Variants in XRN1 observed in about 807,000 individuals in gnomAD.
The protein encoded by XRN1 is strand-exchange protein 1 homolog.
Under a neutral mutation model 222.3 loss-of-function variants are expected in XRN1, and 67 were observed. The ratio of observed to expected loss-of-function variants is 0.30; its 90% confidence interval spans 0.25 to 0.37. The LOEUF is 0.37. Ranked by LOEUF, XRN1 falls within the 10% of genes least tolerant of loss-of-function variation. XRN1 has a pLI of 1.00. For synonymous variants in XRN1, 643 were observed against 652.4 expected, an observed-to-expected ratio of 0.99 and a Z score of 0.22; for missense variants, 1,707 against 2,000.2, an observed-to-expected ratio of 0.85 and a Z score of 2.80.
At chr3:142,336,563 G>C (rs1001994485) in intron 33 of XRN1, among the ~76,000 whole-genome samples, 1 of 151,386 alleles carries the variant, frequency 6.6e-6, no homozygotes, top group Non-Finnish European at 1.5e-5. Context: ...CAGAGACAGG[G>C]GAAGGAAGGA....
chr3:142,435,658 G>A lies in XRN1; in HGVS notation c.76-2765C>T, dbSNP rs115425264. Among the ~76,000 whole-genome samples the A allele has an allele frequency of 9.4e-3, 1,416 of 150,118 alleles. 20 individuals are homozygous for A. Among genetic ancestry groups the A allele is most frequent in the African/African-American group, 0.033 (1,342 of 40,764 alleles). ...TGTAATCCCAGGTACTTAGAAGGCT[G>A]AAGCATGAGAATCGCTTGCACCTGG... On this transcript the variant is annotated intron_variant, in intron 1 of 40. Transcript: ENST00000392981.
intron 33 of XRN1, among the ~76,000 whole-genome samples, chr3:142,346,600 C>A (rs2066150058): frequency 6.6e-6 from 1 of 151,958 alleles, no homozygotes; most frequent in African/African-American, 2.4e-5. Context: ...TCTACCTCAG[C>A]CTCCTGAATA....
chr3:142,432,198 T>TATATATAATTAA lies in XRN1; in HGVS notation c.308+462_308+463insTTAATTATATAT. Reference sequence around the variant, plus strand: ...AAAATGTTTTATATATAAAATTTATTTTATATATAATTAATTATATATATA... The same window carrying TATATATAATTAA: ...AAAATGTTTTATATATAAAATTTATTATATATAATTAATTATATATAATTAATTATATATATA... On this transcript the variant is annotated intron_variant, in intron 2 of 40. Transcript: ENST00000392981. Among the ~76,000 whole-genome samples the TATATATAATTAA allele has an allele frequency of 3.9e-3, 415 of 106,808 alleles. 32 individuals carry two copies. Among genetic ancestry groups the TATATATAATTAA allele is most frequent in the African/African-American group, 0.013 (409 of 31,040 alleles). The allele number at this position is 106,808 out of a possible 152,430, so 70.1% of individuals were successfully genotyped here. A position where few individuals can be genotyped will look rare whatever the true frequency, so the allele number is the denominator to read the frequency against.
chr3:142,426,539 T>C, intron 3 of XRN1: 1 of 536,444 alleles, frequency 1.9e-6, no homozygotes, highest in Non-Finnish European at 3.3e-6. Context: ...CTAATTTATC[T>C]ACATCTGAAA....
chr3:142,343,961 T>C (rs541186597), intron 33 of XRN1, among the ~76,000 whole-genome samples: 1 of 152,262 alleles, frequency 6.6e-6, no homozygotes, highest in Non-Finnish European at 1.5e-5. Context: ...GGAGATCATA[T>C]GTTAGGTGAA....
intron 20 of XRN1, among the ~76,000 whole-genome samples, chr3:142,392,465 C>A (rs2067764121): frequency 6.6e-6 from 1 of 152,166 alleles, no homozygotes; most frequent in Non-Finnish European, 1.5e-5. Context: ...CTAATGCTAT[C>A]CCTCCCCACT....
chr3:142,421,189 TTAAG>T, intron 9 of XRN1, 36 bp from the exon 10 acceptor site: 1 of 1,488,734 alleles, frequency 6.7e-7, no homozygotes, highest in Non-Finnish European at 8.9e-7. Context: ...TTTAAATAAT[TTAAG>T]TATATCTAGA....
At chr3:142,334,610 G>A (rs1170019545) in intron 34 of XRN1, among the ~76,000 whole-genome samples, 1 of 151,080 alleles carries the variant, frequency 6.6e-6, no homozygotes, top group Non-Finnish European at 1.5e-5. Context: ...TTTGTTCCAT[G>A]TACTTCAATT....
intron 13 of XRN1, among the ~76,000 whole-genome samples, chr3:142,416,336 C>G (rs941618798): frequency 6.6e-6 from 1 of 152,114 alleles, no homozygotes; most frequent in African/African-American, 2.4e-5. Flanking sequence ...AGGCACACCA[C>G]CATGCCCAGC....
chr3:142,422,360 T>C (rs933577758), intron 8 of XRN1, among the ~76,000 whole-genome samples: 1 of 152,092 alleles, frequency 6.6e-6, no homozygotes, highest in African/African-American at 2.4e-5. Context: ...AGGCAAAGAT[T>C]AGTTAGATAT....
rs557838394 is a variant in XRN1, at chr3:142,308,660, T to C, written c.*2851A>G. On this transcript the variant is annotated 3_prime_UTR_variant, in exon 41 of 41. Transcript: ENST00000392981. ...AGGAAAATGTGAAAAGGAACGAGACTGGAAGGAGCAATCTTCAAAATTCAC... is the reference window on the plus strand; with the variant it reads ...AGGAAAATGTGAAAAGGAACGAGACCGGAAGGAGCAATCTTCAAAATTCAC... The C allele has an allele frequency of 6.6e-6, 1 of 152,314 alleles. No individual in the cohort carries two copies. Among genetic ancestry groups the C allele is most frequent in the East Asian group, 1.9e-4 (1 of 5,184 alleles). The allele number at this position is 152,314 out of a possible 1,614,324, so 9.4% of individuals were successfully genotyped here.
intron 36 of XRN1, among the ~76,000 whole-genome samples, chr3:142,330,837 G>A (rs146260193): frequency 1.3e-5 from 2 of 152,068 alleles, no homozygotes; most frequent in East Asian, 1.9e-4. Flanking sequence ...ACAGAGTTTC[G>A]CTCTTGTTGC....
At chr3:142,348,205 A>T (rs564740433) in intron 32 of XRN1, among the ~76,000 whole-genome samples, 99 of 152,294 alleles carry the variant, frequency 6.5e-4, no homozygotes, top group African/African-American at 2.3e-3. Flanking sequence ...AAAAAGTTTT[A>T]AAAAATTTAT....
intron 1 of XRN1, among the ~76,000 whole-genome samples, chr3:142,442,853 C>G (rs2070292559): frequency 6.6e-6 from 1 of 151,642 alleles, no homozygotes; most frequent in Admixed American, 6.6e-5. Flanking sequence ...CCTGCCTCAG[C>G]CTCCTGAGTA....
At chr3:142,323,551 C>T (rs1577218075) in intron 37 of XRN1, among the ~76,000 whole-genome samples, 1 of 152,258 alleles carries the variant, frequency 6.6e-6, no homozygotes, top group East Asian at 1.9e-4. Flanking sequence ...AGATTCTCTT[C>T]ATTTTTCTAA....
intron 37 of XRN1, among the ~76,000 whole-genome samples, chr3:142,324,060 A>T (rs1448020498): frequency 6.6e-6 from 1 of 151,408 alleles, no homozygotes; most frequent in Admixed American, 6.6e-5. Flanking sequence ...TTATTTTAAA[A>T]TATATATTAT....
intron 18 of XRN1, 32 bp downstream of exon 18, chr3:142,403,642 T>A (rs766184829): frequency 3.2e-6 from 5 of 1,576,276 alleles, no homozygotes; most frequent in Non-Finnish European, 4.4e-6. Flanking sequence ...ATTATAGGCA[T>A]CTAATAAATG....
At chr3:142,406,560 T>C (rs1203104371) in intron 15 of XRN1, among the ~76,000 whole-genome samples, 1 of 152,188 alleles carries the variant, frequency 6.6e-6, no homozygotes, top group Non-Finnish European at 1.5e-5. Flanking sequence ...AGGGATTTGC[T>C]CTGACACCCA....
Position 142,365,197 on chromosome 3 carries a change from A to G in XRN1, c.3262-18T>C, listed in dbSNP as rs972566079. On this transcript the variant is annotated intron_variant, in intron 28 of 40. Coordinates refer to ENST00000392981, the MANE Select transcript of XRN1 (RefSeq NM_001282857.2). ...TCTAAAGGCTGAAGAGAAGAAAGCTATTAATTATAATAAACAAAAAAATTT... is the reference window on the plus strand; with the variant it reads ...TCTAAAGGCTGAAGAGAAGAAAGCTGTTAATTATAATAAACAAAAAAATTT... The G allele has an allele frequency of 1.3e-6, 2 of 1,589,376 alleles. No individual in the cohort carries two copies. The highest frequency in any genetic ancestry group is 1.9e-5 in the Admixed American group (1 of 53,960).
Sources: allele counts gnomAD v4.1 joint callset (sites outside exome capture counted in the v4.1 genomes callset), GRCh38; gene constraint gnomAD v4.1.1; transcripts MANE v1.5; gene names NCBI Gene and HGNC (gene_info 2026-07-23, HGNC 2026-07-21).